NXPE4: variants seen among roughly 807,000 people sequenced by gnomAD.
NXPE4 encodes neurexophilin and PC-esterase domain family member 4.
In NXPE4, 42 loss-of-function variants were observed where a neutral mutation model predicts 33.3. That is an observed-to-expected ratio of 1.26 (90% confidence interval 0.98 to 1.63). The LOEUF is 1.63. NXPE4 is among the 40% of genes most tolerant of loss of function. The probability of loss-of-function intolerance (pLI) is 0.00; values close to 1 mark genes in which losing one functional copy is unlikely to be tolerated. For missense variants in NXPE4, 709 were observed against 647.6 expected (o/e 1.09, Z -1.03); for synonymous variants, 253 against 234.9 (o/e 1.08, Z -0.71).
At chr11:114,583,611 G>C in intron 2 of NXPE4, 1 of 594,806 alleles carries the variant, frequency 1.7e-6, no homozygotes, top group Non-Finnish European at 3.3e-6. Flanking sequence ...TCTGTGGCAA[G>C]TGCTGTGAAA....
At chr11:114,579,452 C>T (rs1229978477) in intron 5 of NXPE4, among the ~76,000 whole-genome samples, 1 of 152,122 alleles carries the variant, frequency 6.6e-6, no homozygotes, top group Non-Finnish European at 1.5e-5. Context: ...ATAACATGCC[C>T]AAAGTCATTG....
At chr11:114,583,816 T>C in intron 2 of NXPE4, 1 of 426,948 alleles carries the variant, frequency 2.3e-6, no homozygotes, top group Non-Finnish European at 4.6e-6. Flanking sequence ...AGGCCTTCTA[T>C]ATTACAGGCT....
the NXPE4 span, among the ~76,000 whole-genome samples, chr11:114,609,986 A>G: frequency 2.7e-5 from 4 of 146,842 alleles, no homozygotes; most frequent in African/African-American, 1.0e-4. Context: ...GTTGCCTCAC[A>G]GGTAACCACT....
the NXPE4 span, among the ~76,000 whole-genome samples, chr11:114,609,307 G>T: frequency 6.6e-6 from 1 of 151,668 alleles, no homozygotes; most frequent in Non-Finnish European, 1.5e-5. Flanking sequence ...AATAAGTATT[G>T]CCTCGTGGGT....
At position 114,570,873 on chromosome 11, in the gene NXPE4, G is replaced by T. The variant is rs1850521; in HGVS notation, c.*65C>A. ...AATTCAGAGCCAAACACAGCATCTG[G>T]CCTGCTAGTAGACAGTCAATAAATT... is the stretch of plus-strand genomic sequence containing the variant. On this transcript the variant is annotated 3_prime_UTR_variant, in exon 6 of 6. Transcript: ENST00000375478. 0.15 allele frequency: 176,901 copies of T among 1,145,274 alleles called. 17,505 individuals are homozygous for T. Among genetic ancestry groups the T allele is most frequent in the African/African-American group, 0.42 (27,075 of 63,974 alleles). 70.9% of individuals were successfully genotyped at this position (1,145,274 alleles called of 1,614,324 possible).
At chr11:114,616,669 C>T in the NXPE4 span, among the ~76,000 whole-genome samples, 2 of 151,272 alleles carry the variant, frequency 1.3e-5, no homozygotes, top group South Asian at 2.1e-4. Context: ...CACTGTTACC[C>T]GTTGGATAAT....
chr11:114,604,905 G>A, the NXPE4 span, among the ~76,000 whole-genome samples: 1 of 151,948 alleles, frequency 6.6e-6, no homozygotes, highest in Non-Finnish European at 1.5e-5. Context: ...GTTACCCGGT[G>A]GATAATTAGT....
chr11:114,641,369 T>C, the NXPE4 span, among the ~76,000 whole-genome samples: 4 of 152,158 alleles, frequency 2.6e-5, no homozygotes, highest in African/African-American at 9.6e-5. Context: ...AAAAATAGAC[T>C]ACATACTGAG....
chr11:114,606,937 C>A, the NXPE4 span, among the ~76,000 whole-genome samples: 5 of 151,864 alleles, frequency 3.3e-5, no homozygotes, highest in Admixed American at 2.0e-4. Flanking sequence ...TCATGGGTAA[C>A]CACTGTTATC....
chr11:114,653,554 T>C, the NXPE4 span, among the ~76,000 whole-genome samples: 1 of 108,420 alleles, frequency 9.2e-6, no homozygotes, highest in Admixed American at 1.1e-4. Context: ...TTTTTTTTTT[T>C]AGACAGAGTC....
At position 114,575,597 on chromosome 11, in the gene NXPE4, G is replaced by GTAAAA. The variant is rs553213789; in HGVS notation, c.1100-4129_1100-4125dup. ...GAGCTCAACTCCTTTCACAATAGCT[G>GTAAAA]TAAAATAAAATAAAATAAAATAAAA... is the stretch of plus-strand genomic sequence containing the variant. On this transcript the variant is annotated intron_variant, in intron 5 of 5. Transcript: ENST00000375478. 1.8e-4 allele frequency among the ~76,000 whole-genome samples: 28 copies of GTAAAA among 151,666 alleles called. No individual in the cohort carries two copies. The East Asian group carries it at 2.7e-3, about 15-fold the overall frequency.
chr11:114,639,204 T>C, the NXPE4 span, among the ~76,000 whole-genome samples: 2 of 151,938 alleles, frequency 1.3e-5, no homozygotes, highest in African/African-American at 2.4e-5. Context: ...ACTGCCGCCT[T>C]TCAGTTTGAT....
the NXPE4 span, among the ~76,000 whole-genome samples, chr11:114,613,106 A>T: frequency 2.0e-5 from 3 of 151,618 alleles, no homozygotes; most frequent in African/African-American, 7.3e-5. Flanking sequence ...CCTCCCAGGT[A>T]ACCACTGTAA....
At chr11:114,632,332 CATAAT>C in the NXPE4 span, among the ~76,000 whole-genome samples, 76 of 132,118 alleles carry the variant, frequency 5.8e-4, no homozygotes, top group East Asian at 4.1e-3. Flanking sequence ...CACTGGGTAA[CATAAT>C]AGAATATATA....
At chr11:114,606,563 T>C in the NXPE4 span, among the ~76,000 whole-genome samples, 1 of 151,970 alleles carries the variant, frequency 6.6e-6, no homozygotes, top group Non-Finnish European at 1.5e-5. Context: ...GGGGAACCAC[T>C]GTTACCTGGT....
At chr11:114,640,534 C>A in the NXPE4 span, among the ~76,000 whole-genome samples, 1 of 151,774 alleles carries the variant, frequency 6.6e-6, no homozygotes, top group South Asian at 2.1e-4. Context: ...AACCTCCATA[C>A]TATTTACACA....
chr11:114,588,502 T>A (rs914853929), intron 2 of NXPE4, among the ~76,000 whole-genome samples: 3 of 151,704 alleles, frequency 2.0e-5, no homozygotes, highest in Non-Finnish European at 4.4e-5. Flanking sequence ...AGGGGAGAAA[T>A]TCAAAGATGA....
At chr11:114,614,750 T>C in the NXPE4 span, among the ~76,000 whole-genome samples, 1 of 151,360 alleles carries the variant, frequency 6.6e-6, no homozygotes, top group Admixed American at 6.6e-5. Context: ...TGTTACCCAG[T>C]GGATAATAAG....
the NXPE4 span, among the ~76,000 whole-genome samples, chr11:114,620,854 C>T: frequency 1.3e-5 from 2 of 152,218 alleles, no homozygotes; most frequent in African/African-American, 2.4e-5. Flanking sequence ...TGTGGGTAAC[C>T]ACTGTTACCC....
Sources: allele counts gnomAD v4.1 joint callset (sites outside exome capture counted in the v4.1 genomes callset), GRCh38; gene constraint gnomAD v4.1.1; transcripts MANE v1.5; gene names NCBI Gene and HGNC (gene_info 2026-07-23, HGNC 2026-07-21).